The following AKT2 variants were observed in gnomAD, a reference collection of about 807,000 sequenced individuals.
AKT2 encodes the protein AKT serine/threonine kinase 2.
AKT2 carries 16 observed loss-of-function variants against 58.6 expected under a neutral mutation model. The observed-to-expected ratio is 0.27, with a 90% CI of 0.18 to 0.41. AKT2 has a LOEUF of 0.41. AKT2 is among the 10% of genes least tolerant of loss of function. The pLI is 1.00. For missense variants in AKT2, 438 were observed against 661.0 expected, an observed-to-expected ratio of 0.66 and a Z score of 3.70; for synonymous variants, 253 against 254.0, an observed-to-expected ratio of 1.00 and a Z score of 0.04.
chr19:40,283,190 A>G (rs1381202534), intron 1 of AKT2: 2 of 152,472 alleles, frequency 1.3e-5, no homozygotes, highest in African/African-American at 2.4e-5. Flanking sequence ...CTCATCTAAA[A>G]GGGAGAGCAT....
intron 9 of AKT2, chr19:40,236,793 G>C: frequency 3.4e-6 from 1 of 296,244 alleles, no homozygotes; most frequent in East Asian, 9.1e-5. Context: ...GGGGACTTAG[G>C]TGGCAGGATT....
intron 3 of AKT2, among the ~76,000 whole-genome samples, chr19:40,255,999 GCCCAGGC>G (rs1415317284): frequency 6.6e-6 from 1 of 152,202 alleles, no homozygotes; most frequent in Admixed American, 6.5e-5. Context: ...TGAGGACCAG[GCCCAGGC>G]CTCTCGGCCT....
chr19:40,274,652 G>T (rs542602358), intron 1 of AKT2: 1 of 237,634 alleles, frequency 4.2e-6, no homozygotes, highest in Non-Finnish European at 8.6e-6. Flanking sequence ...CTGAGGCAGC[G>T]CAGTCTGAGC....
chr19:40,276,804 C>T (rs1426512499), intron 1 of AKT2, among the ~76,000 whole-genome samples: 1 of 151,996 alleles, frequency 6.6e-6, no homozygotes, highest in Non-Finnish European at 1.5e-5. Flanking sequence ...TCACTGGAGC[C>T]CAAAAGTTCA....
intron 1 of AKT2, among the ~76,000 whole-genome samples, chr19:40,267,369 C>G (rs1276521832): frequency 2.0e-5 from 3 of 152,178 alleles, no homozygotes; most frequent in Admixed American, 6.5e-5. Context: ...TTGCACCTCT[C>G]CAGCCTCTCC....
chr19:40,282,470 C>T (rs1568579552), intron 1 of AKT2: 2 of 500,980 alleles, frequency 4.0e-6, no homozygotes, highest in Non-Finnish European at 8.2e-6. Flanking sequence ...GGATGCCTTG[C>T]CTCCACTCTG....
intron 2 of AKT2, among the ~76,000 whole-genome samples, chr19:40,264,507 G>A (rs1440528875): frequency 3.3e-5 from 5 of 152,048 alleles, no homozygotes; most frequent in East Asian, 1.9e-4. Context: ...TGGACTCCGC[G>A]TTGCTCCTCT....
At position 40,232,851 on chromosome 19, in the gene AKT2, G is replaced by C. The variant is rs1973780304; in HGVS notation, c.*1021C>G. The stretch of plus-strand genomic sequence containing the variant: ...CAACCTTAAGGCTGCAGAACGTGGG[G>C]CCCTGGGGAGAGGGAGGGGTGAGGG... On this transcript the variant is annotated 3_prime_UTR_variant, in exon 14 of 14. Coordinates refer to ENST00000392038, the MANE Select transcript of AKT2 (RefSeq NM_001626.6). 1 of 237,262 alleles carries C rather than the reference G, an allele frequency of 4.2e-6. No individual in the cohort carries two copies. The highest frequency in any genetic ancestry group is 2.2e-5 in the African/African-American group (1 of 45,518). 14.7% of individuals were successfully genotyped at this position (237,262 alleles called of 1,614,324 possible). A position where few individuals can be genotyped will look rare whatever the true frequency, so the allele number is the denominator to read the frequency against.
Position 40,232,865 on chromosome 19 carries a change from G to T in AKT2, c.*1007C>A. 2 of 237,306 alleles carry T rather than the reference G, an allele frequency of 8.4e-6. No homozygotes were observed. The highest frequency in any genetic ancestry group is 1.7e-5 in the Non-Finnish European group (2 of 120,372). 14.7% of individuals were successfully genotyped at this position (237,306 alleles called of 1,614,324 possible). A position where few individuals can be genotyped will look rare whatever the true frequency, so the allele number is the denominator to read the frequency against. On this transcript the variant is annotated 3_prime_UTR_variant, in exon 14 of 14. Coordinates refer to ENST00000392038, the MANE Select transcript of AKT2 (RefSeq NM_001626.6). ...CAGAACGTGGGGCCCTGGGGAGAGG[G>T]AGGGGTGAGGGGGGCCTAGGAGCCT...
chr19:40,235,780 C>T lies in AKT2; in HGVS notation c.1175+110G>A. The T allele has an allele frequency of 8.6e-7, 1 of 1,167,022 alleles. No homozygotes were observed. Among genetic ancestry groups the T allele is most frequent in the Non-Finnish European group, 1.2e-6 (1 of 841,420 alleles). 72.3% of individuals were successfully genotyped at this position (1,167,022 alleles called of 1,614,324 possible). A position where few individuals can be genotyped will look rare whatever the true frequency, so the allele number is the denominator to read the frequency against. On this transcript the variant is annotated intron_variant, in intron 11 of 13. Transcript: ENST00000392038. This position sits in a 1 kb window ranked among gnomAD's most constrained non-coding sequence, Gnocchi z 6.3. ...GTTTTCAGGGGCTGTGTGGGGACGA[C>T]ACACTGCGACCCTACAAGCGAGCAC...
intron 2 of AKT2, 99 bp downstream of exon 2, chr19:40,265,123 C>T (rs1283287521): frequency 6.5e-7 from 1 of 1,533,068 alleles, no homozygotes; most frequent in Admixed American, 2.0e-5. Context: ...GCTGGCTCCT[C>T]AGGCTGGTAA....
chr19:40,244,505 A>G (rs141827785), intron 4 of AKT2: 1 of 152,342 alleles, frequency 6.6e-6, no homozygotes, highest in Non-Finnish European at 1.5e-5. Context: ...TGAAAAATAT[A>G]TTAGGCTGAA....
chr19:40,278,785 C>T (rs1178436248), intron 1 of AKT2, among the ~76,000 whole-genome samples: 2 of 151,998 alleles, frequency 1.3e-5, no homozygotes, highest in East Asian at 3.9e-4. Context: ...CAGCTCCGTG[C>T]ATCCTCCCCA....
At chr19:40,276,174 T>G (rs1024769786) in intron 1 of AKT2, among the ~76,000 whole-genome samples, 3 of 151,324 alleles carry the variant, frequency 2.0e-5, no homozygotes, top group African/African-American at 7.3e-5. Flanking sequence ...GGCTGGAAGC[T>G]CCCATGCTAT....
At chr19:40,246,598 GA>G (rs1398486133) in intron 4 of AKT2, among the ~76,000 whole-genome samples, 2 of 152,244 alleles carry the variant, frequency 1.3e-5, no homozygotes, top group African/African-American at 4.8e-5. Context: ...GATCTTGAGA[GA>G]CTGTCACGTG....
rs1272162149 is a variant in AKT2 at position 40,285,199 on chromosome 19, C to G, written c.-103G>C. The G allele has an allele frequency of 4.1e-5, 16 of 394,912 alleles. No individual in the cohort carries two copies. Among genetic ancestry groups the G allele is most frequent in the Admixed American group, 8.9e-5 (2 of 22,570 alleles). 24.5% of individuals were successfully genotyped at this position (394,912 alleles called of 1,614,324 possible). A position where few individuals can be genotyped will look rare whatever the true frequency, so the allele number is the denominator to read the frequency against. ...CACTCACCTGTCACCGGCAGCCGCC[C>G]AGCCTCTCCGGCGGGGCTCTACCCC... On this transcript the variant is annotated 5_prime_UTR_variant, in exon 1 of 14. Coordinates refer to ENST00000392038, the MANE Select transcript of AKT2 (RefSeq NM_001626.6).
At chr19:40,236,515 A>C (rs1974037730) in intron 9 of AKT2, 130 bp from the exon 10 acceptor site, 14 of 1,220,990 alleles carry the variant, frequency 1.1e-5, no homozygotes, top group Non-Finnish European at 1.5e-5. Context: ...GGCCCAGCAC[A>C]CACAGCCTCA....
At position 40,235,500 on chromosome 19, in the gene AKT2, G is replaced by A. The variant is rs1488609015; in HGVS notation, c.1176-150C>T. On this transcript the variant is annotated intron_variant, in intron 11 of 13. Transcript: ENST00000392038. The surrounding 1 kb of genome is among the most constrained non-coding windows in gnomAD (Gnocchi z 6.3). ...GAGGAGGAAACCGAGGCTCAGGGAG[G>A]GAGCTCACGTGCCCAGGGTCAGAGC... is the stretch of plus-strand genomic sequence containing the variant. 5.1e-6 allele frequency: 4 copies of A among 786,310 alleles called. No homozygotes were observed. The East Asian group carries it at 1.1e-4, about 21-fold the overall frequency. 48.7% of individuals were successfully genotyped at this position (786,310 alleles called of 1,614,324 possible). A position where few individuals can be genotyped will look rare whatever the true frequency, so the allele number is the denominator to read the frequency against.
chr19:40,261,792 A>G (rs1568556482), intron 2 of AKT2, among the ~76,000 whole-genome samples: 1 of 152,198 alleles, frequency 6.6e-6, no homozygotes, highest in Non-Finnish European at 1.5e-5. Context: ...GGGGTAATGA[A>G]AAGGTTTTGA....
Sources: gnomAD v4.1 joint callset for allele counts (sites outside exome capture counted in the v4.1 genomes callset) on GRCh38, gnomAD v4.1.1 for gene constraint, Gnocchi (gnomAD v3.1) non-coding constraint, MANE v1.5 for transcripts, NCBI Gene and HGNC (gene_info 2026-07-23, HGNC 2026-07-21) for gene names.